ANKRD36C: variants seen among roughly 807,000 people sequenced by gnomAD.
ANKRD36C encodes the protein ankyrin repeat domain-containing protein 36C.
A neutral mutation model predicts 276.4 loss-of-function variants in ANKRD36C; 61 were observed. The observed-to-expected ratio is 0.22, with a 90% CI of 0.18 to 0.27. The LOEUF is 0.27. Among genes scored for constraint, ANKRD36C ranks in the 10% least tolerant of loss-of-function variants. ANKRD36C has a pLI of 1.00. For synonymous variants in ANKRD36C, 483 were observed against 680.1 expected, an observed-to-expected ratio of 0.71 and a Z score of 4.51; for missense variants, 1,447 against 2,032.3, an observed-to-expected ratio of 0.71 and a Z score of 5.54.
intron 59 of ANKRD36C, among the ~76,000 whole-genome samples, chr2:95,874,741 C>A (rs1250200674): frequency 3.9e-5 from 6 of 152,114 alleles, no homozygotes; most frequent in African/African-American, 1.2e-4. Flanking sequence ...AGTGAACAGG[C>A]AACCTACAAA....
At chr2:95,942,797 A>T (rs1454209563) in intron 19 of ANKRD36C, among the ~76,000 whole-genome samples, 1 of 152,290 alleles carries the variant, frequency 6.6e-6, no homozygotes, top group African/African-American at 2.4e-5. Context: ...AGTCAAAAGG[A>T]TTCCTGAGTT....
intron 36 of ANKRD36C, 71 bp downstream of exon 38, chr2:95,917,784 A>G (rs1677145558): frequency 4.6e-6 from 7 of 1,528,556 alleles, no homozygotes. Context: ...CCCTCCGCTG[A>G]TTTATTCAGG....
chr2:95,878,843 C>A (rs753035820), intron 58 of ANKRD36C, among the ~76,000 whole-genome samples: 1 of 152,006 alleles, frequency 6.6e-6, no homozygotes, highest in Non-Finnish European at 1.5e-5. Context: ...AAAGCAGAAC[C>A]CTCGTACACC....
intron 36 of ANKRD36C, among the ~76,000 whole-genome samples, chr2:95,917,421 T>C (rs1248016888): frequency 3.3e-5 from 5 of 151,618 alleles, no homozygotes; most frequent in Non-Finnish European, 7.4e-5. Flanking sequence ...ATCAGGGGTC[T>C]CCTTAGTTCT....
intron 30 of ANKRD36C, among the ~76,000 whole-genome samples, chr2:95,924,958 G>C (rs1454510192): frequency 1.3e-5 from 2 of 151,526 alleles, no homozygotes; most frequent in African/African-American, 2.4e-5. Flanking sequence ...GTGTTTACAG[G>C]TTATTATAAC....
At chr2:95,876,744 C>T (rs1338197211) in intron 58 of ANKRD36C, among the ~76,000 whole-genome samples, 3 of 140,994 alleles carry the variant, frequency 2.1e-5, no homozygotes, top group South Asian at 2.2e-4. Flanking sequence ...CCCAGCTAGT[C>T]GGGAGGCTGG....
chr2:95,858,228 G>T (rs1675470753), intron 61 of ANKRD36C, among the ~76,000 whole-genome samples: 1 of 152,056 alleles, frequency 6.6e-6, no homozygotes, highest in African/African-American at 2.4e-5. Flanking sequence ...CTCATGTTTG[G>T]CTCAGAATAA....
chr2:95,890,088 T>A, intron 46 of ANKRD36C, 94 bp from the exon 67 acceptor site: 1 of 1,479,426 alleles, frequency 6.8e-7, no homozygotes, highest in South Asian at 1.2e-5. Flanking sequence ...TCTGTCCTCC[T>A]GCCTGTATTA....
chr2:95,889,605 TA>T (rs35278032), intron 48 of ANKRD36C, among the ~76,000 whole-genome samples, 193 bp downstream of exon 68: 1 of 151,534 alleles, frequency 6.6e-6, no homozygotes, highest in Non-Finnish European at 1.5e-5. Context: ...TACAGACATC[TA>T]AAATCTTAGT....
chr2:95,871,264 G>C (rs1347699457), intron 59 of ANKRD36C, among the ~76,000 whole-genome samples: 2 of 152,162 alleles, frequency 1.3e-5, no homozygotes, highest in Non-Finnish European at 2.9e-5. Flanking sequence ...GGCAGCCAGA[G>C]AGAAAGGTCA....
chr2:95,965,489 T>C (rs1024076827), intron 6 of ANKRD36C, among the ~76,000 whole-genome samples: 26 of 152,286 alleles, frequency 1.7e-4, no homozygotes, highest in African/African-American at 6.0e-4. Flanking sequence ...CTCAGGGTCA[T>C]GACATGTCGA....
exon 35 of ANKRD36C, chr2:95,918,021 G>A: frequency 6.2e-7 from 1 of 1,600,804 alleles, no homozygotes; most frequent in East Asian, 2.3e-5. Context: ...TACCTTCAAG[G>A]CTGGTTGTTT....
intron 19 of ANKRD36C, 50 bp from the exon 20 acceptor site, chr2:95,941,249 T>C: frequency 7.0e-7 from 1 of 1,433,576 alleles, no homozygotes; most frequent in Non-Finnish European, 9.1e-7. Context: ...TATTTACTAC[T>C]CAATCGGTCA....
intron 22 of ANKRD36C, among the ~76,000 whole-genome samples, chr2:95,936,823 A>G (rs1277284077): frequency 6.6e-6 from 1 of 152,284 alleles, no homozygotes; most frequent in African/African-American, 2.4e-5. Context: ...AAATATGAAG[A>G]TATGGTTTTC....
intron 44 of ANKRD36C, among the ~76,000 whole-genome samples, chr2:95,894,683 T>C (rs1676484753): frequency 6.6e-6 from 1 of 151,426 alleles, no homozygotes. Flanking sequence ...TATTCACGTT[T>C]ATCTCATTTC....
At chr2:95,882,198 T>C (rs112005276) in intron 56 of ANKRD36C, 104 bp downstream of exon 76, 1 of 1,246,346 alleles carries the variant, frequency 8.0e-7, no homozygotes. Context: ...GCCTGCTGAA[T>C]CAGAAAGTGC....
intron 42 of ANKRD36C, among the ~76,000 whole-genome samples, chr2:95,911,894 G>C (rs907340341): frequency 1.1e-3 from 165 of 151,420 alleles, no homozygotes; most frequent in Non-Finnish European, 1.7e-3. Flanking sequence ...TTAGCACTAC[G>C]ATGTGACGTC....
intron 52 of ANKRD36C, 126 bp from the exon 73 acceptor site, chr2:95,884,494 A>C: frequency 6.7e-7 from 1 of 1,500,598 alleles, no homozygotes; most frequent in Non-Finnish European, 9.2e-7. Context: ...GATGTTTCCT[A>C]CTTTGTGTCT....
intron 50 of ANKRD36C, among the ~76,000 whole-genome samples, chr2:95,886,772 C>T (rs1416805911): frequency 1.3e-5 from 2 of 151,688 alleles, no homozygotes; most frequent in Non-Finnish European, 2.9e-5. Flanking sequence ...AATCGATCAA[C>T]GTGGATGTAT....
Sources: allele counts gnomAD v4.1 joint callset (sites outside exome capture counted in the v4.1 genomes callset), GRCh38; gene constraint gnomAD v4.1.1; transcripts MANE v1.5; gene names NCBI Gene and HGNC (gene_info 2026-07-23, HGNC 2026-07-21).